The following RMDN2 variants were observed in gnomAD, a reference collection of about 807,000 sequenced individuals.
RMDN2 encodes regulator of microtubule dynamics protein 2.
Under a neutral mutation model 52.8 loss-of-function variants are expected in RMDN2, and 61 were observed. That is an observed-to-expected ratio of 1.16 (90% confidence interval 0.94 to 1.43). The LOEUF is 1.43. Among genes scored for constraint, RMDN2 ranks in the 40% most tolerant of loss-of-function variants. The probability of loss-of-function intolerance (pLI) is 0.00; values close to 1 mark genes in which losing one functional copy is unlikely to be tolerated. For missense variants in RMDN2, 592 were observed against 475.3 expected (o/e 1.25, Z -2.28); for synonymous variants, 180 against 153.1 (o/e 1.18, Z -1.30).
chr2:38,041,402 T>C (rs1680939290), intron 10 of RMDN2, among the ~76,000 whole-genome samples: 1 of 150,994 alleles, frequency 6.6e-6, no homozygotes, highest in Admixed American at 6.7e-5. Context: ...CAGTTTTATT[T>C]CTTCTTTCCT....
chr2:38,003,499 G>C (rs565947948), intron 8 of RMDN2, among the ~76,000 whole-genome samples: 1 of 151,976 alleles, frequency 6.6e-6, no homozygotes, highest in Non-Finnish European at 1.5e-5. Flanking sequence ...GTTGCAGTGA[G>C]CTGAGATCGC....
At chr2:38,061,464 C>T (rs1043359671) in intron 10 of RMDN2, among the ~76,000 whole-genome samples, 1 of 151,952 alleles carries the variant, frequency 6.6e-6, no homozygotes, top group Admixed American at 6.6e-5. Context: ...GAATTGCAAC[C>T]CTCTTTTTTT....
At chr2:37,977,659 G>A (rs1411700069) in intron 4 of RMDN2, among the ~76,000 whole-genome samples, 1 of 152,102 alleles carries the variant, frequency 6.6e-6, no homozygotes, top group Non-Finnish European at 1.5e-5. Context: ...CAGTGGGGCA[G>A]AGACACTCCT....
At chr2:37,922,336 T>C (rs910295935), upstream of RMDN2, among the ~76,000 whole-genome samples, 3 of 151,774 alleles carry the variant, frequency 2.0e-5, no homozygotes, top group African/African-American at 7.3e-5. Context: ...TAGTTAACTA[T>C]ATAGCATATT....
intron 2 of RMDN2, among the ~76,000 whole-genome samples, chr2:37,930,571 A>G (rs112106931): frequency 0.041 from 6,230 of 152,252 alleles, 398 homozygotes; most frequent in African/African-American, 0.14. Context: ...GGGACAGGCA[A>G]GAGACAGCAC....
intron 7 of RMDN2, among the ~76,000 whole-genome samples, chr2:37,992,910 CT>C (rs143991537): frequency 6.0e-5 from 9 of 148,874 alleles, no homozygotes; most frequent in Admixed American, 1.3e-4. Context: ...CAGTTTGTTT[CT>C]TTTTTTTTTC....
chr2:38,002,510 A>G (rs1269102125), intron 8 of RMDN2, among the ~76,000 whole-genome samples: 15 of 152,234 alleles, frequency 9.9e-5, no homozygotes. Flanking sequence ...ATTTTCTATC[A>G]ATGTGCACAT....
intron 10 of RMDN2, among the ~76,000 whole-genome samples, chr2:38,035,416 C>T (rs1457033541): frequency 6.6e-6 from 1 of 151,936 alleles, no homozygotes; most frequent in Non-Finnish European, 1.5e-5. Flanking sequence ...ATACAAATAC[C>T]AACAAGATTC....
chr2:38,008,293 G>C (rs1677413553), intron 10 of RMDN2, among the ~76,000 whole-genome samples: 1 of 152,138 alleles, frequency 6.6e-6, no homozygotes, highest in Admixed American at 6.5e-5. Flanking sequence ...TCTGTCTAAT[G>C]TTGACAGTGG....
intron 2 of RMDN2, among the ~76,000 whole-genome samples, chr2:37,943,412 A>G (rs552521622): frequency 6.6e-6 from 1 of 152,258 alleles, no homozygotes; most frequent in Admixed American, 6.5e-5. Flanking sequence ...TGATCCAAGC[A>G]GGAATCCCGG....
intron 2 of RMDN2, chr2:37,949,977 A>G (rs1366575723): frequency 5.9e-6 from 1 of 169,500 alleles, no homozygotes. Context: ...AAGCAGTCAG[A>G]TGGCATACTT....
intron 4 of RMDN2, among the ~76,000 whole-genome samples, chr2:37,978,193 G>T (rs1672804461): frequency 6.6e-6 from 1 of 152,066 alleles, no homozygotes; most frequent in African/African-American, 2.4e-5. Context: ...GGTGATGCGT[G>T]CCTGCAATCG....
chr2:37,926,161 G>A (rs1036462118), intron 1 of RMDN2, among the ~76,000 whole-genome samples: 8 of 152,104 alleles, frequency 5.3e-5, no homozygotes, highest in Non-Finnish European at 8.8e-5. Flanking sequence ...CCTTCCCCGA[G>A]TTTATTAGAG....
intron 10 of RMDN2, among the ~76,000 whole-genome samples, chr2:38,016,967 A>G (rs1173663501): frequency 6.6e-6 from 1 of 152,140 alleles, no homozygotes; most frequent in African/African-American, 2.4e-5. Flanking sequence ...GAGAAAAGCA[A>G]CTTGTTACAA....
chr2:37,938,564 A>G (rs1284422626), intron 2 of RMDN2, among the ~76,000 whole-genome samples: 1 of 152,188 alleles, frequency 6.6e-6, no homozygotes, highest in Non-Finnish European at 1.5e-5. Context: ...TACTGCCTCA[A>G]TTTCAGAACT....
chr2:38,040,813 T>A (rs1000569771), intron 10 of RMDN2, among the ~76,000 whole-genome samples: 3 of 152,188 alleles, frequency 2.0e-5, no homozygotes, highest in African/African-American at 7.2e-5. Flanking sequence ...TTAGGAAAAA[T>A]TAATATCTTA....
At chr2:37,933,180 C>CG (rs1666979996) in intron 2 of RMDN2, among the ~76,000 whole-genome samples, 4 of 151,884 alleles carry the variant, frequency 2.6e-5, no homozygotes, top group Admixed American at 2.6e-4. Context: ...GATGGGCGGC[C>CG]GGGCAGAGAT....
chr2:37,951,795 A>G, intron 2 of RMDN2: 1 of 1,613,504 alleles, frequency 6.2e-7, no homozygotes, highest in Non-Finnish European at 8.5e-7. Flanking sequence ...TGAAACAAAC[A>G]CTACTTCTCC....
At chr2:37,951,395 A>G in intron 2 of RMDN2, 1 of 1,613,322 alleles carries the variant, frequency 6.2e-7, no homozygotes, top group Non-Finnish European at 8.5e-7. Context: ...CAGCCAAAGC[A>G]AGTAGAAGGT....
Sources: allele counts gnomAD v4.1 joint callset (sites outside exome capture counted in the v4.1 genomes callset), GRCh38; gene constraint gnomAD v4.1.1; transcripts MANE v1.5; gene names NCBI Gene and HGNC (gene_info 2026-07-23, HGNC 2026-07-21).